The following CACNA1H variants were observed in gnomAD, a reference collection of about 807,000 sequenced individuals.
The protein encoded by CACNA1H is voltage-dependent T-type calcium channel subunit alpha-1H.
A neutral mutation model predicts 192.5 loss-of-function variants in CACNA1H; 149 were observed. The ratio of observed to expected loss-of-function variants is 0.77; its 90% CI spans 0.68 to 0.89. The LOEUF (loss-of-function observed/expected upper bound fraction) is 0.89, where lower values mean the gene tolerates loss of function less well. Among genes scored for constraint, CACNA1H ranks in the 40% least tolerant of loss-of-function variants. The pLI is 0.00. For synonymous variants in CACNA1H, 2,202 were observed against 1,475.2 expected (o/e 1.49, Z -11.29); for missense variants, 4,257 against 3,423.5 (o/e 1.24, Z -6.08).
In CACNA1H at chr16:1,213,932, G is replaced by A; in HGVS notation, c.4929+1G>A. 1 of 1,609,378 alleles carries A rather than the reference G, an allele frequency of 6.2e-7. No homozygotes were observed. The highest frequency in any genetic ancestry group is 8.5e-7 in the Non-Finnish European group (1 of 1,178,590). On this transcript the variant is annotated splice_donor_variant, in intron 27 of 34. Coordinates refer to ENST00000348261, the MANE Select transcript of CACNA1H (RefSeq NM_021098.3). LOFTEE classifies it high-confidence loss of function. Reference sequence around the variant, plus strand: ...CATGGAGCACTATAACCAACCCAAGGTGGGTGCGAGGGGGCCGCGAGGGGC... The same window carrying A: ...CATGGAGCACTATAACCAACCCAAGATGGGTGCGAGGGGGCCGCGAGGGGC...
intron 8 of CACNA1H, among the ~76,000 whole-genome samples, chr16:1,201,018 G>A (rs1361004365): frequency 6.6e-6 from 1 of 152,094 alleles, no homozygotes; most frequent in East Asian, 1.9e-4. Context: ...CCAGGCCTGT[G>A]GGTGCTGGCT....
At chr16:1,198,185 C>G (rs1160413469) in intron 5 of CACNA1H, among the ~76,000 whole-genome samples, 1 of 152,130 alleles carries the variant, frequency 6.6e-6, no homozygotes, top group Non-Finnish European at 1.5e-5. Context: ...TGTCGCCAGA[C>G]AAGCCTCGAG....
chr16:1,187,870 G>A (rs758122750), intron 2 of CACNA1H, among the ~76,000 whole-genome samples: 6 of 152,180 alleles, frequency 3.9e-5, no homozygotes, highest in Admixed American at 6.5e-5. Flanking sequence ...CCCCGCCTCC[G>A]TCCCTCTGTA....
chr16:1,195,398 G>GAGCTT, intron 3 of CACNA1H, 34 bp from the exon 4 acceptor site: 2 of 1,550,058 alleles, frequency 1.3e-6, no homozygotes, highest in Non-Finnish European at 8.7e-7. Context: ...GAGCTGAGCT[G>GAGCTT]TTCCACGGGC....
chr16:1,198,333 C>T (rs540342463), intron 5 of CACNA1H, among the ~76,000 whole-genome samples: 5 of 152,322 alleles, frequency 3.3e-5, no homozygotes, highest in Admixed American at 1.3e-4. Context: ...AGCAGCAGAC[C>T]TGCTGCCCTG....
chr16:1,154,068 C>CGGGGGGGGGGGGGGGGGG, intron 2 of CACNA1H, 32 bp downstream of exon 2: 1 of 36,452 alleles, frequency 2.7e-5, no homozygotes, highest in Non-Finnish European at 4.0e-5. Context: ...GGGCGGGGGG[C>CGGGGGGGGGGGGGGGGGG]GGGGGGCGTG....
intron 30 of CACNA1H, 44 bp downstream of exon 30, chr16:1,215,637 CG>C: frequency 1.3e-6 from 2 of 1,557,850 alleles, no homozygotes; most frequent in Non-Finnish European, 1.8e-6. Context: ...CCCCGGAAGA[CG>C]GGGTTGCAGG....
chr16:1,218,915 A>G, intron 33 of CACNA1H, 55 bp from the exon 34 acceptor site: 1 of 1,534,038 alleles, frequency 6.5e-7, no homozygotes, highest in Non-Finnish European at 8.8e-7. Context: ...GGTGGGTGGC[A>G]GCTGGGCAGG....
chr16:1,191,926 G>A (rs1009291967), intron 2 of CACNA1H, among the ~76,000 whole-genome samples: 1 of 152,274 alleles, frequency 6.6e-6, no homozygotes, highest in African/African-American at 2.4e-5. Flanking sequence ...GGGTCTCTGC[G>A]AGCCGTCACC....
Position 1,216,565 on chromosome 16 carries a change from G to A in CACNA1H, c.5245-367G>A, listed in dbSNP as rs531759270. On this transcript the variant is annotated intron_variant, in intron 30 of 34. Transcript: ENST00000348261. Reference sequence around the variant, plus strand: ...CTCTGAGGTAGCCGCTGAACAGGGCGGGCCAGAGCCCCCAGGAAGAGCATG... The same window carrying A: ...CTCTGAGGTAGCCGCTGAACAGGGCAGGCCAGAGCCCCCAGGAAGAGCATG... Among the ~76,000 whole-genome samples, 39 of 152,374 alleles carry A rather than the reference G, an allele frequency of 2.6e-4. 1 individual carries two copies. The South Asian group carries it at 7.2e-3, about 28-fold the overall frequency.
intron 2 of CACNA1H, among the ~76,000 whole-genome samples, chr16:1,189,480 G>C (rs1180435622): frequency 7.3e-6 from 1 of 136,934 alleles, no homozygotes; most frequent in Non-Finnish European, 1.5e-5. Context: ...GCAGTGGCAC[G>C]ATCGTGGCTC....
chr16:1,196,074 C>G, intron 5 of CACNA1H, 51 bp downstream of exon 5: 6 of 1,450,582 alleles, frequency 4.1e-6, no homozygotes, highest in Non-Finnish European at 4.8e-6. Context: ...TGCGTGTCCG[C>G]CAGCCCTGCA....
chr16:1,196,598 G>A (rs1016407016), intron 5 of CACNA1H, among the ~76,000 whole-genome samples: 2 of 152,182 alleles, frequency 1.3e-5, no homozygotes, highest in African/African-American at 4.8e-5. Flanking sequence ...CTGGGCCTCC[G>A]TGTCCCCTGC....
At chr16:1,169,074 A>G (rs1442206525) in intron 2 of CACNA1H, among the ~76,000 whole-genome samples, 2 of 145,728 alleles carry the variant, frequency 1.4e-5, no homozygotes, top group African/African-American at 5.1e-5. Flanking sequence ...CAGGAGATGG[A>G]GGGAGGAAAG....
chr16:1,201,685 A>G lies in CACNA1H; in HGVS notation c.1235A>G (p.Asn412Ser), dbSNP rs779840429. 3 of 1,604,718 alleles carry G rather than the reference A, an allele frequency of 1.9e-6. No homozygotes were observed. Among genetic ancestry groups the G allele is most frequent in the South Asian group, 2.2e-5 (2 of 90,348 alleles). The change falls in exon 9 of 35, where the codon AAC becomes AGC. Residue 412 changes from asparagine to serine, a missense_variant. Asn to Ser is a conservative substitution (Grantham distance 46). Transcript: ENST00000348261. ...LIIVGSFFMINLCLVVIATQF... is the reference protein window; with the variant it reads ...LIIVGSFFMISLCLVVIATQF... ...CAGGTGGGCTCCTTCTTCATGATCA[A>G]CCTGTGCCTGGTGGTGATTGCCACG...
chr16:1,169,160 G>A (rs1007581467), intron 2 of CACNA1H, among the ~76,000 whole-genome samples: 2 of 146,512 alleles, frequency 1.4e-5, no homozygotes, highest in East Asian at 2.1e-4. Flanking sequence ...GTCTTCCTGC[G>A]GCGGGGTGGG....
At position 1,218,689 on chromosome 16, in the gene CACNA1H, A is replaced by G. The variant is rs1318500151; in HGVS notation, c.5887+38A>G. 4 of 1,411,914 alleles carry G rather than the reference A, an allele frequency of 2.8e-6. No individual in the cohort carries two copies. The South Asian group carries it at 5.4e-5, about 19-fold the overall frequency. The allele number at this position is 1,411,914 out of a possible 1,614,324, so 87.5% of individuals were successfully genotyped here. A position where few individuals can be genotyped will look rare whatever the true frequency, so the allele number is the denominator to read the frequency against. On this transcript the variant is annotated intron_variant, in intron 33 of 34. Transcript: ENST00000348261. ...GCAGGAAGATATGGGCTGGGTGGGA[A>G]GCAGGACAGGGAGGAAGATGGGGGC...
At chr16:1,153,556 C>T in intron 1 of CACNA1H, 86 bp downstream of exon 1, 1 of 255,308 alleles carries the variant, frequency 3.9e-6, no homozygotes, top group African/African-American at 5.0e-5. Context: ...GGGGTGGGGC[C>T]GCTGGAGGGA....
At chr16:1,177,460 C>T (rs909756058) in intron 2 of CACNA1H, among the ~76,000 whole-genome samples, 1 of 152,202 alleles carries the variant, frequency 6.6e-6, no homozygotes, top group Non-Finnish European at 1.5e-5. Flanking sequence ...GCACAGCTAG[C>T]GGCTCACGGT....
Sources: gnomAD v4.1 joint callset for allele counts (sites outside exome capture counted in the v4.1 genomes callset) on GRCh38, gnomAD v4.1.1 for gene constraint, MANE v1.5 for transcripts, NCBI Gene and HGNC (gene_info 2026-07-23, HGNC 2026-07-21) for gene names.